The following ZC3H3 variants were observed in gnomAD, a reference collection of about 807,000 sequenced individuals.
ZC3H3 encodes zinc finger CCCH-type containing 3.
A neutral mutation model predicts 77.3 loss-of-function variants in ZC3H3; 36 were observed. The observed-to-expected ratio is 0.47, with a 90% CI of 0.36 to 0.61. ZC3H3 has a LOEUF of 0.61. Ranked by LOEUF, ZC3H3 falls within the 20% of genes least tolerant of loss-of-function variation. The probability of loss-of-function intolerance (pLI) is 0.00; values close to 1 mark genes in which losing one functional copy is unlikely to be tolerated. For missense variants in ZC3H3, 1,331 were observed against 1,312.2 expected, an observed-to-expected ratio of 1.01 and a Z score of -0.22; for synonymous variants, 626 against 555.2, an observed-to-expected ratio of 1.13 and a Z score of -1.79.
intron 3 of ZC3H3, among the ~76,000 whole-genome samples, chr8:143,527,585 G>T (rs528360563): frequency 5.9e-5 from 9 of 152,330 alleles, no homozygotes; most frequent in African/African-American, 2.2e-4. Flanking sequence ...AAGATTCAAA[G>T]ATCGCTGTGG....
chr8:143,522,852 G>A (rs1435421696), intron 3 of ZC3H3, among the ~76,000 whole-genome samples: 1 of 152,164 alleles, frequency 6.6e-6, no homozygotes, highest in East Asian at 1.9e-4. Context: ...TTGAGCCTGG[G>A]AGGCAGAGAT....
chr8:143,502,190 G>A (rs571032673), intron 4 of ZC3H3, among the ~76,000 whole-genome samples: 30 of 152,390 alleles, frequency 2.0e-4, no homozygotes, highest in African/African-American at 6.3e-4. Flanking sequence ...AGGACTGTGA[G>A]AAGTCAGCGT....
chr8:143,486,234 G>A (rs532960077), intron 4 of ZC3H3, among the ~76,000 whole-genome samples: 25 of 152,380 alleles, frequency 1.6e-4, no homozygotes, highest in African/African-American at 5.0e-4. Context: ...CGCCAGGCGC[G>A]GCAATGTAGC....
intron 9 of ZC3H3, among the ~76,000 whole-genome samples, chr8:143,457,135 A>G (rs142845429): frequency 2.4e-3 from 371 of 152,340 alleles, no homozygotes; most frequent in African/African-American, 8.6e-3. Flanking sequence ...ACAGTGGGAT[A>G]TACATTCTTT....
chr8:143,460,861 G>A lies in ZC3H3; in HGVS notation c.2307+4856C>T, dbSNP rs1386944000. ...ACATTACGCTGCGTGAAAGACGCCA[G>A]ACACCAAAGGACAGAATGTACGATT... On this transcript the variant is annotated intron_variant, in intron 9 of 11. Coordinates refer to ENST00000262577, the MANE Select transcript of ZC3H3 (RefSeq NM_015117.3). The surrounding 1 kb of genome is among the most constrained non-coding windows in gnomAD (Gnocchi z 4.0). Among the ~76,000 whole-genome samples the A allele has an allele frequency of 1.3e-5, 2 of 152,178 alleles. No individual in the cohort carries two copies. The highest frequency in any genetic ancestry group is 1.3e-4 in the Admixed American group (2 of 15,282).
At chr8:143,465,975 G>A (rs1820398102) in intron 8 of ZC3H3, 127 bp from the exon 9 acceptor site, 13 of 1,346,746 alleles carry the variant, frequency 9.7e-6, no homozygotes, top group African/African-American at 1.5e-5. Flanking sequence ...CAGGCAGGAA[G>A]GGCAGCCACC....
rs1379239597 is a variant in ZC3H3, at chr8:143,530,171, C to T, written c.1561+6086G>A. Among the ~76,000 whole-genome samples, 2 of 152,068 alleles carry T rather than the reference C, an allele frequency of 1.3e-5. No individual in the cohort carries two copies. Among genetic ancestry groups the T allele is most frequent in the African/African-American group, 4.8e-5 (2 of 41,404 alleles). Reference sequence around the variant, plus strand: ...CCTCGACCCAGCCTGGTTGTCCACACGAGACCACCACGCAAGCCAGGCCCT... The same window carrying T: ...CCTCGACCCAGCCTGGTTGTCCACATGAGACCACCACGCAAGCCAGGCCCT... On this transcript the variant is annotated intron_variant, in intron 3 of 11. Coordinates refer to ENST00000262577, the MANE Select transcript of ZC3H3 (RefSeq NM_015117.3). This position sits in a 1 kb window ranked among gnomAD's most constrained non-coding sequence, Gnocchi z 4.3.
chr8:143,479,144 G>C (rs934992727), intron 4 of ZC3H3, among the ~76,000 whole-genome samples: 3 of 152,224 alleles, frequency 2.0e-5, no homozygotes, highest in African/African-American at 7.2e-5. Flanking sequence ...AGAACGTCGG[G>C]CCTGTGCAGG....
chr8:143,470,104 C>A (rs1231716401), intron 5 of ZC3H3, among the ~76,000 whole-genome samples: 1 of 152,218 alleles, frequency 6.6e-6, no homozygotes, highest in Non-Finnish European at 1.5e-5. Context: ...GGCTTCCGCT[C>A]CCTCGCACCC....
In ZC3H3 at chr8:143,518,805, G is replaced by A. The variant is rs577895383; in HGVS notation, c.1562-10906C>T. 3.9e-5 allele frequency among the ~76,000 whole-genome samples: 6 copies of A among 152,372 alleles called. No individual in the cohort carries two copies. The East Asian group carries it at 7.7e-4, about 20-fold the overall frequency. ...ACAAACGTGCAACTGGGGACCCTGA[G>A]AAGGCAGCAAAGGAATCCCTGCCCT... On this transcript the variant is annotated intron_variant, in intron 3 of 11. Coordinates refer to ENST00000262577, the MANE Select transcript of ZC3H3 (RefSeq NM_015117.3).
At chr8:143,519,611 C>A (rs970453428) in intron 3 of ZC3H3, among the ~76,000 whole-genome samples, 14 of 152,316 alleles carry the variant, frequency 9.2e-5, no homozygotes, top group South Asian at 2.1e-4. Context: ...CACTGGCACC[C>A]GTGGGAAGGA....
intron 9 of ZC3H3, among the ~76,000 whole-genome samples, chr8:143,456,762 G>A (rs1339366726): frequency 6.6e-6 from 1 of 152,154 alleles, no homozygotes; most frequent in East Asian, 1.9e-4. Flanking sequence ...TAGCTACTCA[G>A]GAGGCTAAGG....
At chr8:143,504,572 C>G (rs1821630571) in intron 4 of ZC3H3, among the ~76,000 whole-genome samples, 1 of 152,198 alleles carries the variant, frequency 6.6e-6, no homozygotes, top group Admixed American at 6.5e-5. Context: ...AGCCTAGAGA[C>G]CCTACCCATT....
intron 5 of ZC3H3, among the ~76,000 whole-genome samples, chr8:143,472,519 C>A (rs1010111302): frequency 3.9e-5 from 6 of 152,162 alleles, no homozygotes; most frequent in Non-Finnish European, 8.8e-5. Flanking sequence ...CGGGCCAGGG[C>A]TATGCACTCC....
At chr8:143,507,028 C>T (rs1437232477) in intron 4 of ZC3H3, among the ~76,000 whole-genome samples, 1 of 152,240 alleles carries the variant, frequency 6.6e-6, no homozygotes, top group African/African-American at 2.4e-5. Flanking sequence ...GCCTGCTTCC[C>T]ATCTGCCTGC....
chr8:143,532,938 C>A (rs1266611342), intron 3 of ZC3H3, among the ~76,000 whole-genome samples: 2 of 152,332 alleles, frequency 1.3e-5, no homozygotes. Context: ...GGCTCGGCCT[C>A]TCACCTCCGC....
At chr8:143,540,653 G>A (rs1193673573) in intron 1 of ZC3H3, among the ~76,000 whole-genome samples, 3 of 152,158 alleles carry the variant, frequency 2.0e-5, no homozygotes, top group Admixed American at 6.5e-5. Context: ...GGAGAAAAGG[G>A]GCATCAAAAC....
At chr8:143,443,078 G>A (rs923809563) in intron 9 of ZC3H3, among the ~76,000 whole-genome samples, 2 of 151,988 alleles carry the variant, frequency 1.3e-5, no homozygotes, top group South Asian at 2.1e-4. Context: ...TCGAGAGCAG[G>A]CCTGACCAAC....
intron 9 of ZC3H3, among the ~76,000 whole-genome samples, chr8:143,452,598 G>A (rs1467142764): frequency 5.3e-5 from 8 of 151,550 alleles, no homozygotes; most frequent in African/African-American, 1.9e-4. Context: ...AAACATGCTG[G>A]AAACAGAAGA....
Sources: gnomAD v4.1 joint callset for allele counts (sites outside exome capture counted in the v4.1 genomes callset) on GRCh38, gnomAD v4.1.1 for gene constraint, Gnocchi (gnomAD v3.1) non-coding constraint, MANE v1.5 for transcripts, NCBI Gene and HGNC (gene_info 2026-07-23, HGNC 2026-07-21) for gene names.